The following PTPRD variants were observed in gnomAD, a reference collection of about 807,000 sequenced individuals.
PTPRD encodes the protein protein tyrosine phosphatase receptor type D.
A neutral mutation model predicts 214.5 loss-of-function variants in PTPRD; 34 were observed. The ratio of observed to expected loss-of-function variants is 0.16; its 90% CI spans 0.12 to 0.21. The LOEUF (loss-of-function observed/expected upper bound fraction) is 0.21. PTPRD is among the 10% of genes least tolerant of loss of function. The pLI is 1.00. For synonymous variants in PTPRD, 1,128 were observed against 845.7 expected (o/e 1.33, Z -5.79); for missense variants, 2,545 against 2,398.7 (o/e 1.06, Z -1.27).
chr9:8,693,739 C>T (rs760063982), intron 12 of PTPRD, among the ~76,000 whole-genome samples: 2 of 152,158 alleles, frequency 1.3e-5, no homozygotes, highest in Non-Finnish European at 2.9e-5. Flanking sequence ...TTTGCATGTT[C>T]ATTGCTCTGA....
rs933970310 is a variant in PTPRD, at chr9:8,681,623, C to T, written c.65-44779G>A. On this transcript the variant is annotated intron_variant, in intron 12 of 45. Coordinates refer to ENST00000381196, the MANE Select transcript of PTPRD (RefSeq NM_002839.4). Reference sequence around the variant, plus strand: ...TCTCCAACCAAGATCAGGTTAGCAGCAGAAGAAAGTGGTGGTGCAAAGCCG... The same window carrying T: ...TCTCCAACCAAGATCAGGTTAGCAGTAGAAGAAAGTGGTGGTGCAAAGCCG... 2.6e-5 allele frequency among the ~76,000 whole-genome samples: 4 copies of T among 152,114 alleles called. No homozygotes were observed. In the East Asian group the frequency reaches 7.7e-4, roughly 29 times the overall value.
chr9:10,210,747 A>T (rs1035762460), intron 3 of PTPRD, among the ~76,000 whole-genome samples: 1 of 91,868 alleles, frequency 1.1e-5, no homozygotes, highest in African/African-American at 3.1e-5. Context: ...GCTTATATAT[A>T]TTTAAAATGT....
intron 9 of PTPRD, among the ~76,000 whole-genome samples, chr9:9,382,015 G>C (rs1188870525): frequency 6.6e-6 from 1 of 151,938 alleles, no homozygotes; most frequent in Non-Finnish European, 1.5e-5. Context: ...CATGAACTCA[G>C]GACATCTTTC....
intron 39 of PTPRD, among the ~76,000 whole-genome samples, chr9:8,373,856 GTC>G (rs1564367480): frequency 4.6e-5 from 4 of 86,576 alleles, no homozygotes; most frequent in African/African-American, 1.9e-4. Flanking sequence ...ATGTGTATGT[GTC>G]TGTCTGTCTA....
rs556975617 is a variant in PTPRD, at chr9:10,406,941, T to C, written c.-599-65924A>G. ...GATTTACTAGAAAAATATATGGTCA[T>C]CTTCAGTGGTCTCAGTAGTTACAAT... On this transcript the variant is annotated intron_variant, in intron 2 of 45. Transcript: ENST00000381196. Among the ~76,000 whole-genome samples the C allele has an allele frequency of 2.6e-5, 4 of 151,734 alleles. No homozygotes were observed. In the East Asian group the frequency reaches 7.8e-4, roughly 30 times the overall value.
intron 11 of PTPRD, among the ~76,000 whole-genome samples, chr9:8,990,210 TAAAG>T (rs1428422648): frequency 6.6e-6 from 1 of 152,144 alleles, no homozygotes; most frequent in Non-Finnish European, 1.5e-5. Context: ...CCTCTGGACT[TAAAG>T]ATCTACTGAA....
chr9:9,042,417 C>T (rs1475342537), intron 10 of PTPRD, among the ~76,000 whole-genome samples: 1 of 152,092 alleles, frequency 6.6e-6, no homozygotes, highest in Non-Finnish European at 1.5e-5. Flanking sequence ...AACAGTTAGA[C>T]TGGCAGGTCA....
intron 37 of PTPRD, among the ~76,000 whole-genome samples, chr9:8,387,866 G>A (rs572458386): frequency 1.3e-5 from 2 of 152,310 alleles, no homozygotes; most frequent in South Asian, 2.1e-4. Flanking sequence ...GATCACTTGG[G>A]AGGGGAGTTG....
intron 27 of PTPRD, chr9:8,486,559 T>C (rs1312592285): frequency 2.7e-5 from 19 of 692,086 alleles, no homozygotes; most frequent in Non-Finnish European, 3.2e-5. Context: ...TAGAATTTGA[T>C]AATGGACACA....
chr9:9,072,026 C>G (rs1407932307), intron 10 of PTPRD, among the ~76,000 whole-genome samples: 1 of 152,018 alleles, frequency 6.6e-6, no homozygotes, highest in Non-Finnish European at 1.5e-5. Flanking sequence ...CCTGCCAGAC[C>G]GAAGAAGTGA....
chr9:10,430,924 C>T (rs1182239531), intron 2 of PTPRD, among the ~76,000 whole-genome samples: 2 of 151,768 alleles, frequency 1.3e-5, no homozygotes, highest in Non-Finnish European at 2.9e-5. Flanking sequence ...ATATTTTAAG[C>T]TTTTATACAC....
intron 2 of PTPRD, among the ~76,000 whole-genome samples, chr9:10,447,294 G>A (rs887438453): frequency 9.2e-5 from 14 of 152,004 alleles, no homozygotes; most frequent in African/African-American, 3.4e-4. Flanking sequence ...AATTGTCATG[G>A]AAGTTAATGA....
At chr9:9,398,076 A>G (rs1045253439) in intron 8 of PTPRD, among the ~76,000 whole-genome samples, 4 of 151,732 alleles carry the variant, frequency 2.6e-5, no homozygotes, top group African/African-American at 7.3e-5. Context: ...GTCTCGAATC[A>G]TAAGCCCACC....
chr9:9,902,351 T>C (rs1431412559), intron 5 of PTPRD, among the ~76,000 whole-genome samples: 1 of 152,180 alleles, frequency 6.6e-6, no homozygotes, highest in Non-Finnish European at 1.5e-5. Flanking sequence ...GAATTTTAGT[T>C]TCCCATACCA....
intron 9 of PTPRD, among the ~76,000 whole-genome samples, chr9:9,251,927 A>T (rs1212778130): frequency 1.3e-5 from 2 of 152,088 alleles, no homozygotes; most frequent in African/African-American, 4.8e-5. Flanking sequence ...AATACAAAAT[A>T]CTACCCAGAG....
At chr9:9,274,646 G>C (rs563081730) in intron 9 of PTPRD, among the ~76,000 whole-genome samples, 3 of 151,060 alleles carry the variant, frequency 2.0e-5, no homozygotes, top group Non-Finnish European at 4.4e-5. Flanking sequence ...TAAATTGAAA[G>C]AACTTGAACA....
intron 2 of PTPRD, among the ~76,000 whole-genome samples, chr9:10,513,123 ATT>A (rs1281752625): frequency 6.6e-6 from 1 of 151,208 alleles, no homozygotes; most frequent in Non-Finnish European, 1.5e-5. Flanking sequence ...TGGTACCAGT[ATT>A]TTGTTTTTGT....
At chr9:9,891,168 GCA>G (rs1443870176) in intron 5 of PTPRD, among the ~76,000 whole-genome samples, 1 of 152,102 alleles carries the variant, frequency 6.6e-6, no homozygotes, top group Non-Finnish European at 1.5e-5. Flanking sequence ...AACGGTATAT[GCA>G]CAGTTATGTA....
chr9:10,130,343 T>C (rs547934578), intron 3 of PTPRD, among the ~76,000 whole-genome samples: 21 of 152,282 alleles, frequency 1.4e-4, no homozygotes, highest in Admixed American at 7.2e-4. Flanking sequence ...CTGTTCCTTC[T>C]ATCAAAAATT....
Sources: allele counts gnomAD v4.1 joint callset (sites outside exome capture counted in the v4.1 genomes callset), GRCh38; gene constraint gnomAD v4.1.1; transcripts MANE v1.5; gene names NCBI Gene and HGNC (gene_info 2026-07-23, HGNC 2026-07-21).